Variants in PARD3 observed in about 807,000 individuals in gnomAD.
PARD3 encodes partitioning defective 3 homolog.
PARD3 carries 75 observed loss-of-function variants against 155.4 expected under a neutral mutation model. The observed-to-expected ratio is 0.48, with a 90% confidence interval of 0.40 to 0.58. PARD3 has a LOEUF of 0.58. Among genes scored for constraint, PARD3 ranks in the 20% least tolerant of loss-of-function variants. PARD3 has a pLI of 0.00. For synonymous variants in PARD3, 576 were observed against 610.5 expected (o/e 0.94, Z 0.83); for missense variants, 1,642 against 1,721.7 (o/e 0.95, Z 0.82).
chr10:34,207,679 C>T (rs534498037), intron 22 of PARD3, among the ~76,000 whole-genome samples: 52 of 152,250 alleles, frequency 3.4e-4, no homozygotes, highest in African/African-American at 1.1e-3. Context: ...TCCCCAAAAC[C>T]GCCCACTAAT....
chr10:34,490,495 G>C lies in PARD3; in HGVS notation c.404-20232C>G, dbSNP rs114691165. On this transcript the variant is annotated intron_variant, in intron 3 of 24. Transcript: ENST00000374788. ...CATTTACTGGGATTAACAGAAATGC[G>C]TTGGGTGCCCTTAATCTATACATTC... Among the ~76,000 whole-genome samples the C allele has an allele frequency of 3.2e-3, 491 of 152,236 alleles. 5 individuals carry two copies. The highest frequency in any genetic ancestry group is 0.011 in the African/African-American group (462 of 41,546).
intron 18 of PARD3, among the ~76,000 whole-genome samples, chr10:34,334,736 CA>C (rs5784410): frequency 0.51 from 65,898 of 128,240 alleles, 14,524 homozygotes; most frequent in South Asian, 0.57. Flanking sequence ...GCACAAAGTG[CA>C]AAAAAAAAAA....
chr10:34,557,053 T>C (rs1459319329), intron 2 of PARD3, among the ~76,000 whole-genome samples: 3 of 152,168 alleles, frequency 2.0e-5, no homozygotes, highest in African/African-American at 4.8e-5. Flanking sequence ...CTCAGCAATG[T>C]TCAATGGACC....
At chr10:34,746,491 A>G (rs895899260) in intron 1 of PARD3, among the ~76,000 whole-genome samples, 1 of 152,190 alleles carries the variant, frequency 6.6e-6, no homozygotes, top group Non-Finnish European at 1.5e-5. Flanking sequence ...AAATAGTAAC[A>G]CATTTATTAA....
At chr10:34,262,344 G>A (rs1955070335) in intron 22 of PARD3, among the ~76,000 whole-genome samples, 1 of 152,004 alleles carries the variant, frequency 6.6e-6, no homozygotes, top group South Asian at 2.1e-4. Flanking sequence ...ATGGCCCACT[G>A]CAGCCTCAAA....
chr10:34,581,244 T>C (rs4312017), intron 2 of PARD3, among the ~76,000 whole-genome samples: 3,533 of 138,954 alleles, frequency 0.025, 203 homozygotes, highest in African/African-American at 0.092. Context: ...CTTTTTTTTT[T>C]TTTTTTTTGA....
chr10:34,390,799 G>T (rs113141984), intron 7 of PARD3, among the ~76,000 whole-genome samples: 1,875 of 152,196 alleles, frequency 0.012, 40 homozygotes, highest in African/African-American at 0.043. Context: ...GAACAAAAGG[G>T]TATAACAAAC....
chr10:34,764,988 T>C (rs548630019), intron 1 of PARD3, among the ~76,000 whole-genome samples: 8 of 152,182 alleles, frequency 5.3e-5, no homozygotes, highest in African/African-American at 1.7e-4. Context: ...TTAGGTCTCA[T>C]CCTTCTCAGT....
chr10:34,770,191 C>A (rs1838685774), intron 1 of PARD3, among the ~76,000 whole-genome samples: 1 of 152,198 alleles, frequency 6.6e-6, no homozygotes, highest in Non-Finnish European at 1.5e-5. Flanking sequence ...TTTCAGTCAC[C>A]ATGCCCACAC....
At chr10:34,395,094 G>A (rs1430311981) in intron 7 of PARD3, among the ~76,000 whole-genome samples, 2 of 152,132 alleles carry the variant, frequency 1.3e-5, no homozygotes, top group Non-Finnish European at 2.9e-5. Flanking sequence ...GAGTGCAGTG[G>A]CGTGATCTTG....
At chr10:34,252,196 C>T (rs1211230590) in intron 22 of PARD3, among the ~76,000 whole-genome samples, 1 of 152,144 alleles carries the variant, frequency 6.6e-6, no homozygotes, top group Non-Finnish European at 1.5e-5. Flanking sequence ...CGTGGTGGTG[C>T]TGCCTGCCTG....
chr10:34,666,218 A>G lies in PARD3; in HGVS notation c.222+30100T>C, dbSNP rs1314176182. ...CTGGATGACAGAGCAAGATCTTATCAAAAAAAAAAAAGCCAATTCTCAAAG... is the reference window on the plus strand; with the variant it reads ...CTGGATGACAGAGCAAGATCTTATCGAAAAAAAAAAAGCCAATTCTCAAAG... On this transcript the variant is annotated intron_variant, in intron 2 of 24. Coordinates refer to ENST00000374788, the MANE Select transcript of PARD3 (RefSeq NM_001184785.2). Among the ~76,000 whole-genome samples the G allele has an allele frequency of 2.1e-4, 7 of 33,290 alleles. No homozygotes were observed. The Admixed American group carries it at 2.2e-3, about 11-fold the overall frequency. 21.8% of individuals were successfully genotyped at this position (33,290 alleles called of 152,430 possible).
chr10:34,714,079 G>A (rs2094484951), intron 1 of PARD3, among the ~76,000 whole-genome samples: 1 of 152,044 alleles, frequency 6.6e-6, no homozygotes, highest in Admixed American at 6.5e-5. Flanking sequence ...CAGACCAAAA[G>A]GAATTTTTCT....
At chr10:34,553,902 T>C (rs2084791559) in intron 2 of PARD3, among the ~76,000 whole-genome samples, 1 of 152,196 alleles carries the variant, frequency 6.6e-6, no homozygotes, top group African/African-American at 2.4e-5. Flanking sequence ...AGGTAAATAC[T>C]ACAACCGCCT....
chr10:34,360,315 T>C (rs1353180813), intron 12 of PARD3, 56 bp from the exon 13 acceptor site: 6 of 1,357,806 alleles, frequency 4.4e-6, no homozygotes, highest in Non-Finnish European at 6.3e-6. Flanking sequence ...TTTCTCAAAG[T>C]TATTTTTAAA....
chr10:34,616,921 C>A (rs1383949830), intron 2 of PARD3, among the ~76,000 whole-genome samples: 2 of 138,254 alleles, frequency 1.4e-5, no homozygotes, highest in Non-Finnish European at 3.0e-5. Context: ...GGCAACAGAG[C>A]ACCTGTCTCA....
At chr10:34,773,041 A>C (rs534191172) in intron 1 of PARD3, among the ~76,000 whole-genome samples, 12 of 152,272 alleles carry the variant, frequency 7.9e-5, no homozygotes, top group South Asian at 6.2e-4. Context: ...CGGCACACCA[A>C]AAACAGCTGA....
chr10:34,567,152 T>G lies in PARD3; in HGVS notation c.223-49993A>C, dbSNP rs143083625. ...AAACACAAGGTTAATGAGATCTTGT[T>G]GAGCCAACCATTCCTAAAAGGAGGA... On this transcript the variant is annotated intron_variant, in intron 2 of 24. Coordinates refer to ENST00000374788, the MANE Select transcript of PARD3 (RefSeq NM_001184785.2). Among the ~76,000 whole-genome samples, 60 of 152,320 alleles carry G rather than the reference T, an allele frequency of 3.9e-4. No individual in the cohort carries two copies. The East Asian group carries it at 0.011, about 28-fold the overall frequency.
intron 2 of PARD3, among the ~76,000 whole-genome samples, chr10:34,526,190 CT>C (rs547953494): frequency 8.6e-5 from 13 of 151,920 alleles, no homozygotes; most frequent in Admixed American, 2.0e-4. Flanking sequence ...CACACACAGC[CT>C]CTCTAAACTG....
Sources: gnomAD v4.1 joint callset for allele counts (sites outside exome capture counted in the v4.1 genomes callset) on GRCh38, gnomAD v4.1.1 for gene constraint, MANE v1.5 for transcripts, NCBI Gene and HGNC (gene_info 2026-07-23, HGNC 2026-07-21) for gene names.